EPHA6: variants seen among roughly 807,000 people sequenced by gnomAD.
EPHA6 encodes the protein ephrin type-A receptor 6.
Under a neutral mutation model 112.0 loss-of-function variants are expected in EPHA6, and 50 were observed. That is an observed-to-expected ratio of 0.45 (90% confidence interval 0.36 to 0.56). The LOEUF (loss-of-function observed/expected upper bound fraction) is 0.56. Among genes scored for constraint, EPHA6 ranks in the 20% least tolerant of loss-of-function variants. EPHA6 has a pLI of 0.00. For synonymous variants in EPHA6, 529 were observed against 490.7 expected (o/e 1.08, Z -1.03); for missense variants, 1,280 against 1,417.4 (o/e 0.90, Z 1.56).
chr3:97,471,253 C>T (rs2091220733), intron 7 of EPHA6, among the ~76,000 whole-genome samples: 1 of 151,786 alleles, frequency 6.6e-6, no homozygotes, highest in East Asian at 1.9e-4. Context: ...TTACATTTTC[C>T]CAAATTCCCT....
At chr3:97,415,516 G>T (rs2088056320) in intron 6 of EPHA6, among the ~76,000 whole-genome samples, 1 of 152,046 alleles carries the variant, frequency 6.6e-6, no homozygotes, top group Non-Finnish European at 1.5e-5. Context: ...TGAGATGAGG[G>T]TATGAATTTG....
chr3:97,645,313 C>T (rs1276382643), intron 14 of EPHA6, among the ~76,000 whole-genome samples: 2 of 145,970 alleles, frequency 1.4e-5, no homozygotes, highest in Non-Finnish European at 3.0e-5. Context: ...GGCACATATA[C>T]ACCATGGAAT....
intron 4 of EPHA6, among the ~76,000 whole-genome samples, chr3:97,229,224 G>A (rs1409783925): frequency 6.6e-6 from 1 of 151,942 alleles, no homozygotes; most frequent in East Asian, 1.9e-4. Context: ...AGTTTAATTA[G>A]GTCTTATCTA....
intron 2 of EPHA6, among the ~76,000 whole-genome samples, chr3:96,941,692 A>C (rs963759438): frequency 6.6e-6 from 1 of 152,080 alleles, no homozygotes; most frequent in African/African-American, 2.4e-5. Flanking sequence ...TAGAGTTTCC[A>C]GTTTTTCTGC....
At chr3:97,651,628 G>T (rs1335777756) in intron 14 of EPHA6, among the ~76,000 whole-genome samples, 1 of 151,974 alleles carries the variant, frequency 6.6e-6, no homozygotes, top group Non-Finnish European at 1.5e-5. Flanking sequence ...AATGCCAAGT[G>T]CTGTTTGTTC....
intron 2 of EPHA6, among the ~76,000 whole-genome samples, chr3:96,905,541 T>C (rs1360931269): frequency 1.3e-5 from 2 of 152,020 alleles, no homozygotes; most frequent in African/African-American, 2.4e-5. Flanking sequence ...GCTAAAATTA[T>C]AAATCTTATC....
intron 5 of EPHA6, among the ~76,000 whole-genome samples, chr3:97,255,578 T>G (rs1426992070): frequency 6.6e-6 from 1 of 152,228 alleles, no homozygotes; most frequent in Non-Finnish European, 1.5e-5. Context: ...GGTAAAATAC[T>G]ACAGGGTGGT....
At chr3:96,885,215 G>A (rs548712153) in intron 2 of EPHA6, among the ~76,000 whole-genome samples, 1 of 152,164 alleles carries the variant, frequency 6.6e-6, no homozygotes, top group East Asian at 1.9e-4. Flanking sequence ...CCTGGTTTTG[G>A]TATTAGGGTG....
chr3:97,182,325 A>T (rs1393153772), intron 3 of EPHA6, among the ~76,000 whole-genome samples: 1 of 148,818 alleles, frequency 6.7e-6, no homozygotes, highest in Admixed American at 6.8e-5. Context: ...ATTTATTATT[A>T]TAATATTATA....
intron 11 of EPHA6, among the ~76,000 whole-genome samples, chr3:97,540,447 A>G: frequency 6.6e-6 from 1 of 152,228 alleles, no homozygotes; most frequent in Non-Finnish European, 1.5e-5. Flanking sequence ...TCCAGAGCAC[A>G]CTTCCCTTCT....
At chr3:97,573,049 A>G (rs2093350253) in intron 11 of EPHA6, among the ~76,000 whole-genome samples, 2 of 152,296 alleles carry the variant, frequency 1.3e-5, no homozygotes, top group South Asian at 2.1e-4. Flanking sequence ...TTTTATCACT[A>G]TATGTATGAC....
chr3:97,522,721 C>T (rs2092563031), intron 10 of EPHA6, among the ~76,000 whole-genome samples: 2 of 151,968 alleles, frequency 1.3e-5, no homozygotes, highest in African/African-American at 4.8e-5. Context: ...CAGTTTTATT[C>T]TTGGTCTGTT....
intron 14 of EPHA6, among the ~76,000 whole-genome samples, chr3:97,680,895 T>A (rs543288389): frequency 3.3e-5 from 5 of 152,244 alleles, no homozygotes; most frequent in African/African-American, 9.6e-5. Context: ...CTTTCATGAG[T>A]TTCACTTTTG....
At chr3:97,196,632 G>A (rs1224677660) in intron 3 of EPHA6, among the ~76,000 whole-genome samples, 1 of 151,860 alleles carries the variant, frequency 6.6e-6, no homozygotes, top group Non-Finnish European at 1.5e-5. Context: ...GGCTATCTAA[G>A]TATTCAACGG....
At chr3:97,022,437 A>G (rs907051771) in intron 3 of EPHA6, among the ~76,000 whole-genome samples, 1 of 152,164 alleles carries the variant, frequency 6.6e-6, no homozygotes, top group Non-Finnish European at 1.5e-5. Context: ...TTAAAATGCC[A>G]ATCTCAAATT....
At chr3:97,270,255 C>T (rs1168235897) in intron 5 of EPHA6, among the ~76,000 whole-genome samples, 3 of 152,148 alleles carry the variant, frequency 2.0e-5, no homozygotes, top group African/African-American at 7.2e-5. Context: ...ACTGACTCTG[C>T]TACAAACCCT....
intron 3 of EPHA6, among the ~76,000 whole-genome samples, chr3:97,137,893 T>G (rs2075803966): frequency 6.6e-6 from 1 of 151,772 alleles, no homozygotes; most frequent in Non-Finnish European, 1.5e-5. Context: ...GAAAAAAATG[T>G]GAGAGAAGGG....
intron 3 of EPHA6, among the ~76,000 whole-genome samples, chr3:97,090,372 G>A (rs764312045): frequency 1.3e-5 from 2 of 151,958 alleles, no homozygotes; most frequent in African/African-American, 2.4e-5. Context: ...TTTACTTGTA[G>A]ATCACACTAT....
At chr3:96,894,370 T>C (rs78379154) in intron 2 of EPHA6, among the ~76,000 whole-genome samples, 1 of 152,170 alleles carries the variant, frequency 6.6e-6, no homozygotes, top group Non-Finnish European at 1.5e-5. Context: ...CCTCCTTTTA[T>C]TGGTGATCTT....
Sources: gnomAD v4.1 joint callset for allele counts (sites outside exome capture counted in the v4.1 genomes callset) on GRCh38, gnomAD v4.1.1 for gene constraint, MANE v1.5 for transcripts, NCBI Gene and HGNC (gene_info 2026-07-23, HGNC 2026-07-21) for gene names.